The following MAST4 variants were observed in gnomAD, a reference collection of about 807,000 sequenced individuals.
The protein encoded by MAST4 is microtubule-associated serine/threonine-protein kinase 4.
In MAST4, 89 loss-of-function variants were observed where a neutral mutation model predicts 162.7. That is an observed-to-expected ratio of 0.55 (90% CI 0.46 to 0.65). MAST4 has a LOEUF of 0.65. MAST4 is among the 30% of genes least tolerant of loss of function. The probability of loss-of-function intolerance (pLI) is 0.00; values close to 1 mark genes in which losing one functional copy is unlikely to be tolerated. For synonymous variants in MAST4, 1,479 were observed against 1,361.1 expected, an observed-to-expected ratio of 1.09 and a Z score of -1.91; for missense variants, 3,153 against 3,374.0, an observed-to-expected ratio of 0.93 and a Z score of 1.62.
At chr5:67,109,761 C>A (rs1194027705) in intron 10 of MAST4, among the ~76,000 whole-genome samples, 1 of 152,192 alleles carries the variant, frequency 6.6e-6, no homozygotes, top group Non-Finnish European at 1.5e-5. Flanking sequence ...TCTTGATCAG[C>A]TTCCCACTCT....
intron 5 of MAST4, among the ~76,000 whole-genome samples, chr5:67,082,096 A>T (rs1762721183): frequency 6.6e-6 from 1 of 152,112 alleles, no homozygotes; most frequent in Non-Finnish European, 1.5e-5. Flanking sequence ...TTATAAGGAA[A>T]TACTATGCAA....
intron 5 of MAST4, among the ~76,000 whole-genome samples, chr5:67,069,881 AGTGTGTGT>A (rs200867949): frequency 2.3e-4 from 33 of 142,664 alleles, no homozygotes; most frequent in Non-Finnish European, 3.2e-4. Context: ...TTTGAGAGAA[AGTGTGTGT>A]GTGTGTGTGT....
intron 1 of MAST4, among the ~76,000 whole-genome samples, chr5:66,705,273 ATTT>A (rs1323080408): frequency 6.6e-6 from 1 of 152,026 alleles, no homozygotes; most frequent in Non-Finnish European, 1.5e-5. Flanking sequence ...CCTTTTTTCT[ATTT>A]TTAATGGGTA....
chr5:66,611,500 A>G (rs1306896289), intron 1 of MAST4, among the ~76,000 whole-genome samples: 1 of 152,226 alleles, frequency 6.6e-6, no homozygotes, highest in Non-Finnish European at 1.5e-5. Context: ...TTGTTCTTCT[A>G]AGAGATGGCA....
chr5:67,166,342 A>G lies in MAST4; in HGVS notation c.7163A>G (p.Glu2388Gly), dbSNP rs757843954. The G allele has an allele frequency of 6.2e-7, 1 of 1,605,668 alleles. No individual in the cohort carries two copies. Among genetic ancestry groups the G allele is most frequent in the South Asian group, 1.1e-5 (1 of 89,418 alleles). The change falls in exon 29 of 29, where the codon GAG becomes GGG. Residue 2388 changes from glutamate to glycine, a missense_variant. Glu to Gly is a moderately conservative substitution (Grantham distance 98, BLOSUM62 -2). Coordinates refer to ENST00000403625, the MANE Select transcript of MAST4 (RefSeq NM_001164664.2). ...GCTCCAGCAGAGGGCGACAAGCTCG[A>G]GGCCGGCCTTTCCTTTGTGCATAGC... ...LYAPAEGDKLEAGLSFVHSEN... is the reference protein window; with the variant it reads ...LYAPAEGDKLGAGLSFVHSEN...
intron 5 of MAST4, among the ~76,000 whole-genome samples, chr5:67,067,233 T>A (rs1760354786): frequency 6.6e-6 from 1 of 152,190 alleles, no homozygotes; most frequent in Admixed American, 6.5e-5. Flanking sequence ...GTGTACATAA[T>A]AAACACTGGA....
intron 1 of MAST4, among the ~76,000 whole-genome samples, chr5:66,647,186 GT>G (rs1298096677): frequency 2.0e-5 from 3 of 152,106 alleles, no homozygotes; most frequent in African/African-American, 4.8e-5. Context: ...CACTTGGGAT[GT>G]TTTTCTAAAG....
intron 4 of MAST4, among the ~76,000 whole-genome samples, chr5:67,019,549 T>C (rs994505583): frequency 1.6e-4 from 24 of 152,214 alleles, no homozygotes; most frequent in African/African-American, 4.8e-4. Flanking sequence ...TGTAGAAATG[T>C]TTTTTCTCCA....
chr5:66,943,353 A>G (rs957501550), intron 4 of MAST4, among the ~76,000 whole-genome samples: 4 of 152,144 alleles, frequency 2.6e-5, no homozygotes, highest in African/African-American at 4.8e-5. Flanking sequence ...GCAAAAATGC[A>G]TGTTCTCATT....
intron 4 of MAST4, among the ~76,000 whole-genome samples, chr5:66,908,267 G>T (rs1408939247): frequency 2.6e-5 from 4 of 152,050 alleles, no homozygotes; most frequent in African/African-American, 7.2e-5. Context: ...AGAGATTTAG[G>T]GTATAGAAAC....
intron 1 of MAST4, among the ~76,000 whole-genome samples, chr5:66,641,559 G>T (rs1745488535): frequency 6.6e-6 from 1 of 152,176 alleles, no homozygotes; most frequent in Non-Finnish European, 1.5e-5. Flanking sequence ...CTCAGATTGT[G>T]GTCTCTAAAT....
At chr5:67,141,141 T>C (rs1442586583) in intron 19 of MAST4, among the ~76,000 whole-genome samples, 1 of 152,120 alleles carries the variant, frequency 6.6e-6, no homozygotes, top group Non-Finnish European at 1.5e-5. Context: ...CCTATTCTTT[T>C]TGGACTCCAC....
At chr5:66,798,954 A>G (rs1173836335) in intron 3 of MAST4, among the ~76,000 whole-genome samples, 1 of 152,170 alleles carries the variant, frequency 6.6e-6, no homozygotes, top group African/African-American at 2.4e-5. Flanking sequence ...TGAACAAGTG[A>G]TACTTTGTAC....
chr5:66,678,558 G>A (rs933026556), intron 1 of MAST4, among the ~76,000 whole-genome samples: 3 of 151,112 alleles, frequency 2.0e-5, no homozygotes, highest in Admixed American at 6.6e-5. Flanking sequence ...GCAGTGACAC[G>A]ATCTCGGCTC....
intron 4 of MAST4, among the ~76,000 whole-genome samples, chr5:67,027,930 T>A (rs1162832858): frequency 6.6e-6 from 1 of 152,182 alleles, no homozygotes; most frequent in Non-Finnish European, 1.5e-5. Context: ...TAATATCAGT[T>A]GAGCACCTTC....
At chr5:67,104,261 C>A in intron 9 of MAST4, 105 bp from the exon 10 acceptor site, 2 of 847,186 alleles carry the variant, frequency 2.4e-6, no homozygotes, top group Non-Finnish European at 2.0e-6. Context: ...TCCCATTTAA[C>A]AACTTGTGGA....
intron 1 of MAST4, among the ~76,000 whole-genome samples, chr5:66,717,423 A>G (rs1750913285): frequency 6.6e-6 from 1 of 152,256 alleles, no homozygotes; most frequent in African/African-American, 2.4e-5. Context: ...ATATTCATAA[A>G]GAAAGGCCTC....
chr5:67,042,822 C>A (rs1285798970), intron 4 of MAST4, among the ~76,000 whole-genome samples: 1 of 152,194 alleles, frequency 6.6e-6, no homozygotes, highest in African/African-American at 2.4e-5. Flanking sequence ...AAGACACTGG[C>A]TTTTTGCCAC....
At chr5:66,718,099 G>A (rs951386465) in intron 1 of MAST4, among the ~76,000 whole-genome samples, 1 of 151,938 alleles carries the variant, frequency 6.6e-6, no homozygotes, top group Admixed American at 6.6e-5. Flanking sequence ...CTCTTTCAAA[G>A]GCTCTTTTCA....
Sources: gnomAD v4.1 joint callset for allele counts (sites outside exome capture counted in the v4.1 genomes callset) on GRCh38, gnomAD v4.1.1 for gene constraint, MANE v1.5 for transcripts, NCBI Gene and HGNC (gene_info 2026-07-23, HGNC 2026-07-21) for gene names.